The following NFATC2 variants were observed in gnomAD, a reference collection of about 807,000 sequenced individuals.
NFATC2 encodes nuclear factor of activated T cells 2.
NFATC2 carries 22 observed loss-of-function variants against 87.3 expected under a neutral mutation model. The observed-to-expected ratio is 0.25, with a 90% CI of 0.18 to 0.36. The LOEUF is 0.36. Ranked by LOEUF, NFATC2 falls within the 10% of genes least tolerant of loss-of-function variation. The pLI is 1.00. For synonymous variants in NFATC2, 565 were observed against 542.2 expected, an observed-to-expected ratio of 1.04 and a Z score of -0.58; for missense variants, 1,149 against 1,259.1, an observed-to-expected ratio of 0.91 and a Z score of 1.32.
chr20:51,542,452 TG>T lies in NFATC2; in HGVS notation c.47del (p.Pro16GlnfsTer24). ...GGGGGCTGCCCCCAGGCTCGTGGCC[TG>T]GGGCGTCCCCGCCGTCGGGTTGGGG... ...RQPQPDGGDA[P>X]GHEPGGSPQD... is the part of the protein sequence containing the mutation. On this transcript the variant is annotated frameshift_variant, in exon 1 of 11. Transcript: ENST00000371564. LOFTEE classifies it high-confidence loss of function. 1.9e-6 allele frequency: 3 copies of T among 1,576,850 alleles called. No individual in the cohort carries two copies. The highest frequency in any genetic ancestry group is 2.6e-6 in the Non-Finnish European group (3 of 1,165,052).
At chr20:51,431,430 G>A (rs537793221) in intron 9 of NFATC2, among the ~76,000 whole-genome samples, 1 of 152,242 alleles carries the variant, frequency 6.6e-6, no homozygotes, top group South Asian at 2.1e-4. Flanking sequence ...CTCACACAAA[G>A]CCTCCTCTGC....
At chr20:51,504,137 C>T (rs939120363) in intron 3 of NFATC2, among the ~76,000 whole-genome samples, 2 of 152,192 alleles carry the variant, frequency 1.3e-5, no homozygotes, top group East Asian at 3.9e-4. Flanking sequence ...ATTCTCCTGC[C>T]TCAGCCTCCT....
At chr20:51,561,248 A>G (rs2077018405) in intron 1 of NFATC2, among the ~76,000 whole-genome samples, 1 of 151,748 alleles carries the variant, frequency 6.6e-6, no homozygotes. Flanking sequence ...AGCTCAGCTA[A>G]AACTATGTGT....
intron 6 of NFATC2, among the ~76,000 whole-genome samples, chr20:51,442,707 GT>G (rs11422409): frequency 0.44 from 61,130 of 139,656 alleles, 13,071 homozygotes; most frequent in South Asian, 0.51. Context: ...AATAAAGTTT[GT>G]TTTTTTTTTT....
rs2076624528 is a variant in NFATC2 at position 51,531,004 on chromosome 20, T to C, written c.131-6894A>G. On this transcript the variant is annotated intron_variant, in intron 1 of 10. Transcript: ENST00000371564. The stretch of plus-strand genomic sequence containing the variant: ...ATGCAGAAAAAGCAGCTAAAATATA[T>C]TGAGAACTTACATGCTAGGCATTGT... Among the ~76,000 whole-genome samples the C allele has an allele frequency of 5.3e-5, 8 of 152,330 alleles. 1 individual carries two copies. The South Asian group carries it at 1.7e-3, about 32-fold the overall frequency.
chr20:51,450,085 G>A (rs940461023), intron 6 of NFATC2, among the ~76,000 whole-genome samples: 2 of 152,144 alleles, frequency 1.3e-5, no homozygotes, highest in African/African-American at 4.8e-5. Flanking sequence ...AGCACCCAAC[G>A]TGTATAATCT....
chr20:51,475,316 C>T (rs769607162), intron 4 of NFATC2, 142 bp downstream of exon 4: 91 of 798,482 alleles, frequency 1.1e-4, no homozygotes, highest in Admixed American at 2.0e-4. Context: ...GAAATCACAA[C>T]GGGTCGATGG....
chr20:51,432,404 T>C lies in NFATC2; in HGVS notation c.2385A>G (p.Ser795=). 1 of 1,601,470 alleles carries C rather than the reference T, an allele frequency of 6.2e-7. No homozygotes were observed. Among genetic ancestry groups the C allele is most frequent in the Non-Finnish European group, 8.5e-7 (1 of 1,172,308 alleles). ...LVHAGSQGQS[S]ALLHPSPTNQ... is the part of the protein sequence containing the mutation. ...TGGTCGGAGAGGGGTGGAGCAGGGC[T>C]GAGCTCTGGCCCTGGGAGCCGGCGT... The change falls in exon 9 of 11, where the codon TCA becomes TCG. Residue 795 remains serine, a synonymous_variant. Transcript: ENST00000371564. This position sits in a 1 kb window ranked among gnomAD's most constrained non-coding sequence, Gnocchi z 4.6.
At chr20:51,408,550 G>A (rs1026838357) in intron 9 of NFATC2, among the ~76,000 whole-genome samples, 1 of 147,318 alleles carries the variant, frequency 6.8e-6, no homozygotes, top group Admixed American at 6.7e-5. Flanking sequence ...CCAGAAAGAG[G>A]CCCACACTTA....
intron 1 of NFATC2, among the ~76,000 whole-genome samples, chr20:51,558,566 G>A (rs2076997639): frequency 6.6e-6 from 1 of 152,004 alleles, no homozygotes; most frequent in African/African-American, 2.4e-5. Context: ...GTACCTTCCG[G>A]ATTATATTGT....
rs576117213 is a variant in NFATC2, at chr20:51,439,765, C to T, written c.1850-4004G>A. On this transcript the variant is annotated intron_variant, in intron 6 of 10. Transcript: ENST00000371564. Reference sequence around the variant, plus strand: ...TTTTACTCCCACGTACCCCAAATTTCGGAGCAGACACACCCAGCTTCAAAT... The same window carrying T: ...TTTTACTCCCACGTACCCCAAATTTTGGAGCAGACACACCCAGCTTCAAAT... 4.6e-5 allele frequency among the ~76,000 whole-genome samples: 7 copies of T among 152,302 alleles called. No homozygotes were observed. In the East Asian group the frequency reaches 9.6e-4, roughly 21 times the overall value.
chr20:51,431,194 G>A lies in NFATC2; in HGVS notation c.2722+873C>T, dbSNP rs540703352. Among the ~76,000 whole-genome samples, 9 of 152,072 alleles carry A rather than the reference G, an allele frequency of 5.9e-5. No individual in the cohort carries two copies. In the East Asian group the frequency reaches 1.7e-3, roughly 29 times the overall value. ...AAAAAATTTTAAAAGAAAAATGAAG[G>A]TAAAGAAAGTCCAACAGCCTATTTT... On this transcript the variant is annotated intron_variant, in intron 9 of 10. Coordinates refer to ENST00000371564, the MANE Select transcript of NFATC2 (RefSeq NM_012340.5).
In NFATC2 at chr20:51,391,024, C is replaced by A. The variant is rs113337295; in HGVS notation, c.*472G>T. 17 of 381,950 alleles carry A rather than the reference C, an allele frequency of 4.5e-5. No homozygotes were observed. The highest frequency in any genetic ancestry group is 2.1e-4 in the African/African-American group (10 of 48,162). The allele number at this position is 381,950 out of a possible 1,614,324, so 23.7% of individuals were successfully genotyped here. ...ACGAACGCAAGGGCTGGGGTTTAAT[C>A]ACAGTGCCCACATCTTCTGTCCCCC... On this transcript the variant is annotated 3_prime_UTR_variant, in exon 11 of 11. Transcript: ENST00000371564.
At chr20:51,528,296 T>C (rs1199184239) in intron 1 of NFATC2, among the ~76,000 whole-genome samples, 1 of 152,158 alleles carries the variant, frequency 6.6e-6, no homozygotes, top group Admixed American at 6.5e-5. Context: ...AGAAGTTCTT[T>C]ATGCATTGAC....
chr20:51,529,126 G>A (rs1271249692), intron 1 of NFATC2, among the ~76,000 whole-genome samples: 4 of 152,110 alleles, frequency 2.6e-5, no homozygotes, highest in African/African-American at 9.7e-5. Context: ...CTTCGAACCA[G>A]AAAAACAAAA....
intron 9 of NFATC2, among the ~76,000 whole-genome samples, chr20:51,416,534 ACGTGGGGG>A (rs1022874448): frequency 6.6e-6 from 1 of 152,182 alleles, no homozygotes; most frequent in African/African-American, 2.4e-5. Flanking sequence ...GGGAGAGGCT[ACGTGGGGG>A]CCAAAAACTG....
chr20:51,533,572 G>A (rs1490510400), intron 1 of NFATC2, among the ~76,000 whole-genome samples: 3 of 152,326 alleles, frequency 2.0e-5, no homozygotes, highest in South Asian at 2.1e-4. Context: ...ATCCTGTCTC[G>A]TCCATGGAAC....
chr20:51,402,062 T>A (rs541558411), intron 9 of NFATC2, among the ~76,000 whole-genome samples: 1 of 152,338 alleles, frequency 6.6e-6, no homozygotes, highest in African/African-American at 2.4e-5. Context: ...GTTTCTACAA[T>A]GCAAGTCAGA....
At position 51,391,247 on chromosome 20, in the gene NFATC2, C is replaced by T. The variant is rs757728536; in HGVS notation, c.*249G>A. The stretch of plus-strand genomic sequence containing the variant: ...GGTGTTTAGAGGGAGGTGGCGAGCT[C>T]CTTAAGTGAGAGTCCGCTTAGTGCC... On this transcript the variant is annotated 3_prime_UTR_variant, in exon 11 of 11. Transcript: ENST00000371564. The T allele has an allele frequency of 2.4e-5, 20 of 827,450 alleles. No individual in the cohort carries two copies. In the Admixed American group the frequency reaches 3.2e-4, roughly 13 times the overall value. The allele number at this position is 827,450 out of a possible 1,614,324, so 51.3% of individuals were successfully genotyped here.
Sources: allele counts gnomAD v4.1 joint callset (sites outside exome capture counted in the v4.1 genomes callset), GRCh38; gene constraint gnomAD v4.1.1; non-coding constraint Gnocchi (gnomAD v3.1); transcripts MANE v1.5; gene names NCBI Gene and HGNC (gene_info 2026-07-23, HGNC 2026-07-21).